The following ASCC3 variants were observed in gnomAD, a reference collection of about 807,000 sequenced individuals.
The protein encoded by ASCC3 is activating signal cointegrator 1 complex subunit 3, also known as ASC-1 complex subunit P200.
Under a neutral mutation model 256.3 loss-of-function variants are expected in ASCC3, and 158 were observed. That is an observed-to-expected ratio of 0.62 (90% CI 0.54 to 0.70). The LOEUF is 0.70. ASCC3 is among the 30% of genes least tolerant of loss of function. ASCC3 has a pLI of 0.00. For missense variants in ASCC3, 2,259 were observed against 2,626.0 expected (o/e 0.86, Z 3.05); for synonymous variants, 948 against 883.4 (o/e 1.07, Z -1.30).
chr6:100,570,187 T>G (rs1407352905), intron 36 of ASCC3, among the ~76,000 whole-genome samples: 3 of 152,190 alleles, frequency 2.0e-5, no homozygotes, highest in Non-Finnish European at 4.4e-5. Context: ...TCTGGTGAAG[T>G]CTTTAGGGTT....
intron 36 of ASCC3, among the ~76,000 whole-genome samples, chr6:100,541,103 T>C (rs975585174): frequency 2.0e-5 from 3 of 152,130 alleles, no homozygotes; most frequent in African/African-American, 4.8e-5. Flanking sequence ...TGTTAAAAAA[T>C]AGACTGATCT....
chr6:100,715,636 G>C (rs75025771), intron 12 of ASCC3, 103 bp from the exon 13 acceptor site: 1 of 888,514 alleles, frequency 1.1e-6, no homozygotes, highest in Non-Finnish European at 1.8e-6. Context: ...AAGCTTTCAG[G>C]CTATCTAGAA....
intron 10 of ASCC3, among the ~76,000 whole-genome samples, chr6:100,762,781 G>C (rs1781475683): frequency 6.6e-6 from 1 of 152,050 alleles, no homozygotes. Flanking sequence ...TAACAAGCTA[G>C]GTAGTTGGAC....
intron 5 of ASCC3, among the ~76,000 whole-genome samples, chr6:100,801,643 A>G (rs1268254067): frequency 6.6e-6 from 1 of 152,050 alleles, no homozygotes; most frequent in East Asian, 1.9e-4. Context: ...ATGAAATAAA[A>G]TAAAATCCCA....
At chr6:100,623,160 C>T (rs1774047962) in intron 30 of ASCC3, among the ~76,000 whole-genome samples, 1 of 151,938 alleles carries the variant, frequency 6.6e-6, no homozygotes, top group Non-Finnish European at 1.5e-5. Flanking sequence ...CTACCTTAGA[C>T]ACAACAGGAT....
At chr6:100,667,796 G>C (rs1776556867) in intron 14 of ASCC3, among the ~76,000 whole-genome samples, 1 of 151,978 alleles carries the variant, frequency 6.6e-6, no homozygotes, top group Non-Finnish European at 1.5e-5. Context: ...ATTATGTTTT[G>C]CGCATGAGTT....
intron 13 of ASCC3, among the ~76,000 whole-genome samples, chr6:100,709,692 G>A (rs928663172): frequency 6.6e-5 from 10 of 152,012 alleles, no homozygotes; most frequent in African/African-American, 2.2e-4. Context: ...AAGAAAAAGT[G>A]AATATAAAAC....
intron 8 of ASCC3, among the ~76,000 whole-genome samples, chr6:100,798,344 G>A (rs1484209223): frequency 2.0e-5 from 3 of 151,702 alleles, no homozygotes; most frequent in Admixed American, 2.0e-4. Context: ...AACTACTTTA[G>A]AATTTGCCAC....
At chr6:100,827,984 T>A (rs1056871350) in intron 4 of ASCC3, among the ~76,000 whole-genome samples, 2 of 150,912 alleles carry the variant, frequency 1.3e-5, no homozygotes, top group Non-Finnish European at 2.9e-5. Context: ...AGGACTGATA[T>A]TAAACAACTT....
intron 30 of ASCC3, among the ~76,000 whole-genome samples, chr6:100,611,503 T>C (rs1773394182): frequency 6.6e-6 from 1 of 152,044 alleles, no homozygotes; most frequent in Non-Finnish European, 1.5e-5. Flanking sequence ...AACATGACAA[T>C]AGATATAATT....
intron 17 of ASCC3, among the ~76,000 whole-genome samples, chr6:100,654,502 A>G (rs919840965): frequency 2.0e-5 from 3 of 152,122 alleles, no homozygotes; most frequent in East Asian, 3.9e-4. Context: ...GTTTTTCTTT[A>G]CTCCTTCAAA....
chr6:100,610,074 A>T, intron 30 of ASCC3, among the ~76,000 whole-genome samples: 1 of 152,190 alleles, frequency 6.6e-6, no homozygotes, highest in East Asian at 1.9e-4. Flanking sequence ...ATGAGCACTG[A>T]AAAGAAGGAT....
intron 4 of ASCC3, among the ~76,000 whole-genome samples, chr6:100,811,901 T>C (rs1010848787): frequency 1.3e-5 from 2 of 152,168 alleles, no homozygotes; most frequent in African/African-American, 4.8e-5. Flanking sequence ...CACAGAGTTA[T>C]TGGATTAGTT....
At chr6:100,665,251 G>A (rs1320222332) in intron 14 of ASCC3, among the ~76,000 whole-genome samples, 5 of 152,108 alleles carry the variant, frequency 3.3e-5, no homozygotes, top group Non-Finnish European at 7.4e-5. Flanking sequence ...GTCTCTGTGA[G>A]GAACTAGGAG....
rs140772106 is a variant in ASCC3, at chr6:100,642,000, C to T, written c.3901+581G>A. Among the ~76,000 whole-genome samples, 205 of 136,778 alleles carry T rather than the reference C, an allele frequency of 1.5e-3. 3 individuals carry two copies. The highest frequency in any genetic ancestry group is 5.5e-3 in the African/African-American group (196 of 35,886). The allele number at this position is 136,778 out of a possible 152,430, so 89.7% of individuals were successfully genotyped here. On this transcript the variant is annotated intron_variant, in intron 24 of 41. Coordinates refer to ENST00000369162, the MANE Select transcript of ASCC3 (RefSeq NM_006828.4). Reference sequence around the variant, plus strand: ...GACACAGGAAGGGAAACATCACACACCGCGGCCTGTTGCGGAGTGGGGGGA... The same window carrying T: ...GACACAGGAAGGGAAACATCACACATCGCGGCCTGTTGCGGAGTGGGGGGA...
rs779647009 is a variant in ASCC3, at chr6:100,874,101, T to C, written c.-41-6063A>G. On this transcript the variant is annotated intron_variant, in intron 1 of 41. Coordinates refer to ENST00000369162, the MANE Select transcript of ASCC3 (RefSeq NM_006828.4). Reference sequence around the variant, plus strand: ...CCTATAAATCATTTATACACAAATATTTGAGTTTCTCCTATCTACTAGGAT... The same window carrying C: ...CCTATAAATCATTTATACACAAATACTTGAGTTTCTCCTATCTACTAGGAT... 4.9e-4 allele frequency among the ~76,000 whole-genome samples: 75 copies of C among 152,162 alleles called. 1 individual carries two copies. The highest frequency in any genetic ancestry group is 3.9e-4 in the Admixed American group (6 of 15,278).
intron 37 of ASCC3, 48 bp from the exon 38 acceptor site, chr6:100,518,190 G>A (rs778639398): frequency 4.4e-6 from 7 of 1,602,328 alleles, no homozygotes; most frequent in East Asian, 4.5e-5. Context: ...CATGGTACTT[G>A]CCCCCTCCAC....
chr6:100,818,185 GA>G (rs1046456191), intron 4 of ASCC3, among the ~76,000 whole-genome samples: 2 of 152,020 alleles, frequency 1.3e-5, no homozygotes, highest in African/African-American at 2.4e-5. Flanking sequence ...AAAAGAACTG[GA>G]AAAAATCCAA....
At chr6:100,510,728 A>C (rs1165711161) in intron 40 of ASCC3, among the ~76,000 whole-genome samples, 4 of 152,206 alleles carry the variant, frequency 2.6e-5, no homozygotes, top group Non-Finnish European at 5.9e-5. Context: ...TATATTAATC[A>C]CCACAATCCA....
Sources: gnomAD v4.1 joint callset for allele counts (sites outside exome capture counted in the v4.1 genomes callset) on GRCh38, gnomAD v4.1.1 for gene constraint, MANE v1.5 for transcripts, NCBI Gene and HGNC (gene_info 2026-07-23, HGNC 2026-07-21) for gene names.